Variants in NEUROD1 observed in about 807,000 individuals in gnomAD.
NEUROD1 encodes the protein neuronal differentiation 1.
NEUROD1 carries 9 observed loss-of-function variants against 21.8 expected under a neutral mutation model. That is an observed-to-expected ratio of 0.41 (90% CI 0.25 to 0.72). The LOEUF (loss-of-function observed/expected upper bound fraction) is 0.72, where lower values mean the gene tolerates loss of function less well. Among genes scored for constraint, NEUROD1 ranks in the 30% least tolerant of loss-of-function variants. The pLI, the probability that NEUROD1 is intolerant of heterozygous loss-of-function variation, is 0.31. For missense variants in NEUROD1, 434 were observed against 468.8 expected (o/e 0.93, Z 0.69); for synonymous variants, 199 against 186.2 (o/e 1.07, Z -0.56).
chr2:181,669,160 A>G (rs939196346), downstream of NEUROD1, among the ~76,000 whole-genome samples: 1 of 152,180 alleles, frequency 6.6e-6, no homozygotes, highest in South Asian at 2.1e-4. Flanking sequence ...ATCTTAGTGT[A>G]TAAAAATGAG....
rs1688606500 is a variant in NEUROD1, at chr2:181,677,740, CTG to C, written c.*48_*49del. On this transcript the variant is annotated 3_prime_UTR_variant, in exon 2 of 2. Transcript: ENST00000295108. ...CTGCCTTTTGTAAACACGACAGTCA[CTG>C]TAAGCACAGTGGGTTCGTTTCCCGG... The C allele has an allele frequency of 6.2e-7, 1 of 1,613,472 alleles. No individual in the cohort carries two copies. Among genetic ancestry groups the C allele is most frequent in the Non-Finnish European group, 8.5e-7 (1 of 1,180,038 alleles).
At chr2:181,668,616 A>G (rs1688452962), downstream of NEUROD1, among the ~76,000 whole-genome samples, 1 of 152,156 alleles carries the variant, frequency 6.6e-6, no homozygotes, top group Non-Finnish European at 1.5e-5. Flanking sequence ...CCCATGTACC[A>G]GATGGATCAA....
At position 181,676,764 on chromosome 2, in the gene NEUROD1, A is replaced by G. The variant is rs554412395; in HGVS notation, c.*1026T>C. 1 of 152,738 alleles carries G rather than the reference A, an allele frequency of 6.5e-6. No individual in the cohort carries two copies. The highest frequency in any genetic ancestry group is 2.1e-4 in the South Asian group (1 of 4,826). The allele number at this position is 152,738 out of a possible 1,614,324, so 9.5% of individuals were successfully genotyped here. ...CTCAGATTTATTACATGAATATATG[A>G]CAAACCACCATTTTTGTGACTATGT... On this transcript the variant is annotated 3_prime_UTR_variant, in exon 2 of 2. Coordinates refer to ENST00000295108, the MANE Select transcript of NEUROD1 (RefSeq NM_002500.5).
In NEUROD1 at chr2:181,678,603, G is replaced by T. The variant is rs1189743451; in HGVS notation, c.258C>A (p.Pro86=). The change falls in exon 2 of 2, where the codon CCC becomes CCA. Residue 86 remains proline (P), a synonymous_variant. Coordinates refer to ENST00000295108, the MANE Select transcript of NEUROD1 (RefSeq NM_002500.5). The surrounding 1 kb of genome is among the most constrained non-coding windows in gnomAD (Gnocchi z 5.5). ...DDDQKPKRRG[P]KKKKMTKARL... ...GAGCCTTAGTCATCTTCTTCTTTTTGGGGCCGCGTCTCTTGGGCTTTTGAT... is the reference window on the plus strand; with the variant it reads ...GAGCCTTAGTCATCTTCTTCTTTTTTGGGCCGCGTCTCTTGGGCTTTTGAT... 31 of 1,613,980 alleles carry T rather than the reference G, an allele frequency of 1.9e-5. No individual in the cohort carries two copies. Among genetic ancestry groups the T allele is most frequent in the Non-Finnish European group, 2.4e-5 (28 of 1,180,020 alleles).
At position 181,677,492 on chromosome 2, in the gene NEUROD1, A is replaced by T. The variant is rs1688601442; in HGVS notation, c.*298T>A. ...TGCTTGTGATTTTGTTATCCCGATCAGATAATTAATACGATCTGAATACAG... is the reference window on the plus strand; with the variant it reads ...TGCTTGTGATTTTGTTATCCCGATCTGATAATTAATACGATCTGAATACAG... On this transcript the variant is annotated 3_prime_UTR_variant, in exon 2 of 2. Transcript: ENST00000295108. 3 of 313,494 alleles carry T rather than the reference A, an allele frequency of 9.6e-6. No individual in the cohort carries two copies. Among genetic ancestry groups the T allele is most frequent in the Non-Finnish European group, 1.8e-5 (3 of 168,312 alleles). 19.4% of individuals were successfully genotyped at this position (313,494 alleles called of 1,614,324 possible). A position where few individuals can be genotyped will look rare whatever the true frequency, so the allele number is the denominator to read the frequency against.
chr2:181,671,591 C>T (rs973363438), downstream of NEUROD1, among the ~76,000 whole-genome samples: 8 of 151,932 alleles, frequency 5.3e-5, no homozygotes, highest in African/African-American at 1.9e-4. Context: ...CCATCATGCA[C>T]CACTAGTTTT....
At position 181,678,846 on chromosome 2, in the gene NEUROD1, G is replaced by C. The variant is rs116687608; in HGVS notation, c.15C>G (p.Tyr5Ter). The change falls in exon 2 of 2, where the codon TAC becomes TAG. Residue 5 changes from tyrosine to a stop codon, truncating the protein, a stop_gained. Transcript: ENST00000295108. LOFTEE classifies it high-confidence loss of function. The surrounding 1 kb of genome is among the most constrained non-coding windows in gnomAD (Gnocchi z 5.5). ...GCTCGCCCATCAGCCCACTCTCGCT[G>C]TACGATTTGGTCATGTTTCGATTTC... MTKS[Y>*]SESGLMGEPQ... is the part of the protein sequence containing the mutation. 3 of 1,613,966 alleles carry C rather than the reference G, an allele frequency of 1.9e-6. 1 individual carries two copies. In the East Asian group the frequency reaches 6.7e-5, roughly 36 times the overall value.
At position 181,678,643 on chromosome 2, in the gene NEUROD1, T is replaced by C. The variant is rs769264122; in HGVS notation, c.218A>G (p.Glu73Gly). ...GGGCTTTTGATCGTCATCCTCCTCT[T>C]CCTCTTCTTCCTCCTCTTCCAGGTC... ...DEDLEEEEEE[E>G]EEDDDQKPKR... The change falls in exon 2 of 2, where the codon GAA (glutamate) becomes GGA (glycine). Residue 73 changes from glutamate (E) to glycine (G), a missense_variant. Coordinates refer to ENST00000295108, the MANE Select transcript of NEUROD1 (RefSeq NM_002500.5). The surrounding 1 kb of genome is among the most constrained non-coding windows in gnomAD (Gnocchi z 5.5). 6.2e-7 allele frequency: 1 copy of C among 1,613,682 alleles called. No individual in the cohort carries two copies. The highest frequency in any genetic ancestry group is 8.5e-7 in the Non-Finnish European group (1 of 1,179,792).
At chr2:181,674,816 A>G (rs1486100653), downstream of NEUROD1, among the ~76,000 whole-genome samples, 1 of 152,126 alleles carries the variant, frequency 6.6e-6, no homozygotes, top group Non-Finnish European at 1.5e-5. Context: ...GAAAAAAAAA[A>G]AAAACCTAAC....
At chr2:181,668,690 T>G (rs146265592), downstream of NEUROD1, among the ~76,000 whole-genome samples, 450 of 152,298 alleles carry the variant, frequency 3.0e-3, 4 homozygotes, top group African/African-American at 0.01. Context: ...CTTTCACTTC[T>G]GTTGTCCAAA....
downstream of NEUROD1, among the ~76,000 whole-genome samples, chr2:181,671,605 A>G (rs1688500053): frequency 6.6e-6 from 1 of 151,798 alleles, no homozygotes; most frequent in African/African-American, 2.4e-5. Flanking sequence ...TAGTTTTTGT[A>G]TTTTTTGTAG....
At chr2:181,672,538 A>C (rs1688512485), downstream of NEUROD1, among the ~76,000 whole-genome samples, 2 of 152,236 alleles carry the variant, frequency 1.3e-5, no homozygotes, top group Admixed American at 6.5e-5. Context: ...ATAGTTTAAA[A>C]TTAAGCTATA....
downstream of NEUROD1, among the ~76,000 whole-genome samples, chr2:181,668,329 T>C (rs537556343): frequency 1.3e-5 from 2 of 152,182 alleles, no homozygotes; most frequent in South Asian, 4.2e-4. Context: ...CCTTATGACA[T>C]GTTTAATTGG....
chr2:181,675,342 T>C (rs1276598868), downstream of NEUROD1, among the ~76,000 whole-genome samples: 1 of 152,242 alleles, frequency 6.6e-6, no homozygotes, highest in Non-Finnish European at 1.5e-5. Context: ...CGCAGCCTCA[T>C]TGGCAATGTT....
rs1436464527 is a variant in NEUROD1, at chr2:181,677,037, G to T, written c.*753C>A. On this transcript the variant is annotated 3_prime_UTR_variant, in exon 2 of 2. Transcript: ENST00000295108. ...GTATCTCTTAATTTTTTCTTCTCTTGAAAATTATGATTCTGGTTTTTATTT... is the reference window on the plus strand; with the variant it reads ...GTATCTCTTAATTTTTTCTTCTCTTTAAAATTATGATTCTGGTTTTTATTT... 1.4e-5 allele frequency: 2 copies of T among 143,068 alleles called. No homozygotes were observed. Among genetic ancestry groups the T allele is most frequent in the Non-Finnish European group, 3.0e-5 (2 of 65,706 alleles). 8.9% of individuals were successfully genotyped at this position (143,068 alleles called of 1,614,324 possible).
chr2:181,675,734 A>C (rs1430324865), downstream of NEUROD1, among the ~76,000 whole-genome samples: 1 of 152,144 alleles, frequency 6.6e-6, no homozygotes, highest in Non-Finnish European at 1.5e-5. Context: ...AAACAACAGA[A>C]TAGTGCCCCA....
rs1169882783 is a variant in NEUROD1 at position 181,677,934 on chromosome 2, T to C, written c.927A>G (p.Ala309=). 1 of 1,614,122 alleles carries C rather than the reference T, an allele frequency of 6.2e-7. No homozygotes were observed. Among genetic ancestry groups the C allele is most frequent in the African/African-American group, 1.3e-5 (1 of 74,934 alleles). ...AGATTGATCCGTGGCTTTGGGCCCCTGCCAGTGTCGCTGCAGGATAGTGCA... is the reference window on the plus strand; with the variant it reads ...AGATTGATCCGTGGCTTTGGGCCCCCGCCAGTGTCGCTGCAGGATAGTGCA... The part of the protein sequence containing the change: ...FTMHYPAATL[A]GAQSHGSIFS... The change falls in exon 2 of 2, where the codon GCA becomes GCG. Residue 309 remains alanine (A), a synonymous_variant. Transcript: ENST00000295108.
chr2:181,671,765 T>C (rs1451346602), downstream of NEUROD1, among the ~76,000 whole-genome samples: 1 of 152,162 alleles, frequency 6.6e-6, no homozygotes, highest in East Asian at 1.9e-4. Context: ...TCTATTATCC[T>C]CTTTCTGCTT....
chr2:181,671,053 AC>A, exon 2 of NEUROD1, among the ~76,000 whole-genome samples: 1 of 144,982 alleles, frequency 6.9e-6, no homozygotes, highest in Non-Finnish European at 1.6e-5. Flanking sequence ...ACACACACAC[AC>A]ACCATATATA....
Sources: allele counts gnomAD v4.1 joint callset (sites outside exome capture counted in the v4.1 genomes callset), GRCh38; gene constraint gnomAD v4.1.1; non-coding constraint Gnocchi (gnomAD v3.1); transcripts MANE v1.5; gene names NCBI Gene and HGNC (gene_info 2026-07-23, HGNC 2026-07-21).